Variants in SPAG17 observed in about 807,000 individuals in gnomAD.
SPAG17 encodes the protein sperm associated antigen 17.
Under a neutral mutation model 273.6 loss-of-function variants are expected in SPAG17, and 169 were observed. That is an observed-to-expected ratio of 0.62 (90% CI 0.55 to 0.70). The LOEUF (loss-of-function observed/expected upper bound fraction) is 0.70, where lower values mean the gene tolerates loss of function less well. Among genes scored for constraint, SPAG17 ranks in the 30% least tolerant of loss-of-function variants. The pLI, the probability that SPAG17 is intolerant of heterozygous loss-of-function variation, is 0.00. For synonymous variants in SPAG17, 825 were observed against 873.2 expected (o/e 0.94, Z 0.97); for missense variants, 2,557 against 2,627.8 (o/e 0.97, Z 0.59).
chr1:118,120,180 T>C (rs1570728155), intron 3 of SPAG17, among the ~76,000 whole-genome samples: 1 of 152,324 alleles, frequency 6.6e-6, no homozygotes, highest in Middle Eastern at 3.4e-3. Flanking sequence ...TTAGTGCTAA[T>C]AGTTTTTCTG....
At chr1:118,079,272 A>G (rs575327720) in intron 15 of SPAG17, among the ~76,000 whole-genome samples, 9 of 152,058 alleles carry the variant, frequency 5.9e-5, no homozygotes, top group South Asian at 2.1e-4. Context: ...CAGGTTTTCT[A>G]TTTCTTCTTG....
chr1:118,149,477 A>C (rs1659253166), intron 3 of SPAG17, among the ~76,000 whole-genome samples: 1 of 152,232 alleles, frequency 6.6e-6, no homozygotes, highest in African/African-American at 2.4e-5. Context: ...TCCACGTATC[A>C]CATAATGTTT....
chr1:118,045,308 C>T (rs1650225490), intron 20 of SPAG17, among the ~76,000 whole-genome samples: 1 of 152,116 alleles, frequency 6.6e-6, no homozygotes, highest in South Asian at 2.1e-4. Context: ...AGCCTCATCC[C>T]CAAACCCCTC....
At chr1:117,972,379 C>T (rs553312490) in intron 44 of SPAG17, among the ~76,000 whole-genome samples, 20 of 152,378 alleles carry the variant, frequency 1.3e-4, no homozygotes, top group African/African-American at 4.8e-4. Flanking sequence ...CCATCAGAAT[C>T]TCCTGGAGGA....
At chr1:118,073,037 G>T (rs1653760432) in intron 17 of SPAG17, among the ~76,000 whole-genome samples, 2 of 152,060 alleles carry the variant, frequency 1.3e-5, no homozygotes. Context: ...GAAGGAGGCT[G>T]CTATTTTTCA....
chr1:117,985,554 T>C (rs937389733), intron 40 of SPAG17, among the ~76,000 whole-genome samples: 1 of 152,206 alleles, frequency 6.6e-6, no homozygotes, highest in African/African-American at 2.4e-5. Context: ...TCTGAATTCC[T>C]GATGATGTTG....
At chr1:118,133,783 G>A (rs1004811176) in intron 3 of SPAG17, among the ~76,000 whole-genome samples, 1 of 152,042 alleles carries the variant, frequency 6.6e-6, no homozygotes, top group Non-Finnish European at 1.5e-5. Context: ...TATCCTTTTT[G>A]TATTATTCAC....
At chr1:117,969,767 CTG>C (rs1654337723) in intron 46 of SPAG17, among the ~76,000 whole-genome samples, 1 of 152,062 alleles carries the variant, frequency 6.6e-6, no homozygotes, top group African/African-American at 2.4e-5. Flanking sequence ...TGGTAAATAA[CTG>C]TAATATTGGG....
At chr1:118,155,018 G>A (rs1018340477) in intron 1 of SPAG17, among the ~76,000 whole-genome samples, 1 of 152,044 alleles carries the variant, frequency 6.6e-6, no homozygotes, top group Non-Finnish European at 1.5e-5. Flanking sequence ...AAATCAAGTC[G>A]GCTGCTTAGG....
rs879665719 is a variant in SPAG17 at position 118,044,485 on chromosome 1, CA to C, written c.2815-2444del. Reference sequence around the variant, plus strand: ...GGGCAACAGAGCAAGACTCCATCTCCAAAAAAAAAAAGATAAACTGTCCATA... The same window carrying C: ...GGGCAACAGAGCAAGACTCCATCTCCAAAAAAAAAAGATAAACTGTCCATA... On this transcript the variant is annotated intron_variant, in intron 20 of 48. Transcript: ENST00000336338. Among the ~76,000 whole-genome samples the C allele has an allele frequency of 4.3e-4, 60 of 138,260 alleles. 2 individuals are homozygous for C. Among genetic ancestry groups the C allele is most frequent in the Admixed American group, 1.2e-3 (16 of 13,798 alleles). The allele number at this position is 138,260 out of a possible 152,430, so 90.7% of individuals were successfully genotyped here. A position where few individuals can be genotyped will look rare whatever the true frequency, so the allele number is the denominator to read the frequency against.
rs547559325 is a variant in SPAG17, at chr1:117,971,043, GC to G, written c.6326+819del. Among the ~76,000 whole-genome samples the G allele has an allele frequency of 2.5e-3, 384 of 151,934 alleles. 2 individuals are homozygous for G. Among genetic ancestry groups the G allele is most frequent in the African/African-American group, 8.9e-3 (366 of 41,296 alleles). ...GGGACAGGGATCTTTCAAACTGGAT[GC>G]TTCTATCGTTTTTTTTTTATCTGAT... On this transcript the variant is annotated intron_variant, in intron 45 of 48. Coordinates refer to ENST00000336338, the MANE Select transcript of SPAG17 (RefSeq NM_206996.4).
rs533201731 is a variant in SPAG17, at chr1:118,012,821, C to T, written c.4288-449G>A. Among the ~76,000 whole-genome samples the T allele has an allele frequency of 8.5e-5, 13 of 152,312 alleles. No homozygotes were observed. In the South Asian group the frequency reaches 1.7e-3, roughly 19 times the overall value. On this transcript the variant is annotated intron_variant, in intron 29 of 48. Coordinates refer to ENST00000336338, the MANE Select transcript of SPAG17 (RefSeq NM_206996.4). ...GAACTGCAAGATGGCCTGCAAGTGTCGGGCTAATGTCATCAGAGCAGTACT... is the reference window on the plus strand; with the variant it reads ...GAACTGCAAGATGGCCTGCAAGTGTTGGGCTAATGTCATCAGAGCAGTACT...
At chr1:117,997,464 C>T (rs1657779174) in intron 32 of SPAG17, among the ~76,000 whole-genome samples, 1 of 149,176 alleles carries the variant, frequency 6.7e-6, no homozygotes, top group Non-Finnish European at 1.5e-5. Context: ...GGCTTATCTA[C>T]ATATCAAAAC....
chr1:118,054,029 A>C lies in SPAG17; in HGVS notation c.2787T>G (p.Ile929Met), dbSNP rs1380826134. 1.2e-6 allele frequency: 2 copies of C among 1,608,878 alleles called. No individual in the cohort carries two copies. Among genetic ancestry groups the C allele is most frequent in the Non-Finnish European group, 1.7e-6 (2 of 1,177,592 alleles). ...DQEKEKEKEKIPFILEGSLKA... is the reference protein window; with the variant it reads ...DQEKEKEKEKMPFILEGSLKA... ...TGAGAGAGCCTTCTAAAATGAAAGGAATCTTTTCCTTCTCTTTTTCTTTTT... is the reference window on the plus strand; with the variant it reads ...TGAGAGAGCCTTCTAAAATGAAAGGCATCTTTTCCTTCTCTTTTTCTTTTT... The change falls in exon 20 of 49, where the codon ATT becomes ATG. Residue 929 changes from isoleucine (I) to methionine (M), a missense_variant. Coordinates refer to ENST00000336338, the MANE Select transcript of SPAG17 (RefSeq NM_206996.4).
At chr1:117,967,608 A>T (rs974025888) in intron 46 of SPAG17, among the ~76,000 whole-genome samples, 1 of 152,226 alleles carries the variant, frequency 6.6e-6, no homozygotes, top group Non-Finnish European at 1.5e-5. Flanking sequence ...GGATGCATAA[A>T]ATAATGAAAC....
rs971048509 is a variant in SPAG17 at position 118,059,713 on chromosome 1, T to A, written c.2541-3799A>T. Among the ~76,000 whole-genome samples the A allele has an allele frequency of 2.0e-5, 3 of 152,128 alleles. No individual in the cohort carries two copies. In the South Asian group the frequency reaches 6.2e-4, roughly 31 times the overall value. ...TGTCTTTCTTTACCTTTTGTAACAA[T>A]TTTTGACTTAAAGCCTATTTCATAT... On this transcript the variant is annotated intron_variant, in intron 18 of 48. Coordinates refer to ENST00000336338, the MANE Select transcript of SPAG17 (RefSeq NM_206996.4).
intron 1 of SPAG17, among the ~76,000 whole-genome samples, chr1:118,160,975 C>T (rs1156295964): frequency 6.6e-6 from 1 of 152,174 alleles, no homozygotes; most frequent in South Asian, 2.1e-4. Flanking sequence ...GAGACTGTAA[C>T]TTGAGCAAGA....
At chr1:117,966,513 T>C in intron 47 of SPAG17, 96 bp downstream of exon 47, 1 of 1,167,960 alleles carries the variant, frequency 8.6e-7, no homozygotes, top group African/African-American at 1.6e-5. Flanking sequence ...GAAGATAGAA[T>C]TAATAAAGTA....
chr1:118,174,280 A>G (rs1173311569), intron 1 of SPAG17, among the ~76,000 whole-genome samples: 1 of 152,192 alleles, frequency 6.6e-6, no homozygotes, highest in Non-Finnish European at 1.5e-5. Context: ...AAAAGAAATT[A>G]TTAAAAGGGA....
Sources: allele counts gnomAD v4.1 joint callset (sites outside exome capture counted in the v4.1 genomes callset), GRCh38; gene constraint gnomAD v4.1.1; transcripts MANE v1.5; gene names NCBI Gene and HGNC (gene_info 2026-07-23, HGNC 2026-07-21).